The following CNTNAP5 variants were observed in gnomAD, a reference collection of about 807,000 sequenced individuals.
The protein encoded by CNTNAP5 is contactin-associated protein-like 5.
In CNTNAP5, 72 loss-of-function variants were observed where a neutral mutation model predicts 150.2. The ratio of observed to expected loss-of-function variants is 0.48; its 90% CI spans 0.40 to 0.58. The LOEUF is 0.58. CNTNAP5 is among the 20% of genes least tolerant of loss of function. CNTNAP5 has a pLI of 0.00. For missense variants in CNTNAP5, 1,636 were observed against 1,626.2 expected (o/e 1.01, Z -0.10); for synonymous variants, 672 against 619.8 (o/e 1.08, Z -1.25).
chr2:124,297,715 A>G (rs944558036), intron 3 of CNTNAP5, among the ~76,000 whole-genome samples: 8 of 151,964 alleles, frequency 5.3e-5, no homozygotes, highest in South Asian at 2.1e-4. Flanking sequence ...AGGTTTCACC[A>G]TCACCAGACG....
chr2:124,799,503 G>C (rs1681920592), intron 19 of CNTNAP5, among the ~76,000 whole-genome samples: 1 of 152,210 alleles, frequency 6.6e-6, no homozygotes, highest in Admixed American at 6.5e-5. Flanking sequence ...GGTATCATAA[G>C]ATGGGGCTGG....
intron 2 of CNTNAP5, among the ~76,000 whole-genome samples, chr2:124,224,493 AATAT>A (rs1018241806): frequency 1.3e-5 from 2 of 151,886 alleles, no homozygotes; most frequent in African/African-American, 2.4e-5. Flanking sequence ...ATGTGTATAT[AATAT>A]ATAGAGTAAA....
rs532549609 is a variant in CNTNAP5, at chr2:124,388,245, G to A, written c.382-29198G>A. Among the ~76,000 whole-genome samples the A allele has an allele frequency of 2.6e-4, 40 of 152,312 alleles. No individual in the cohort carries two copies. The South Asian group carries it at 7.2e-3, about 28-fold the overall frequency. On this transcript the variant is annotated intron_variant, in intron 3 of 23. Transcript: ENST00000682447. The stretch of plus-strand genomic sequence containing the variant: ...AGGCTTAGGCATGAGCCAAGGTGCT[G>A]TCAGATGGTGGCTAGGCCAGCTGAA...
chr2:124,391,160 T>C (rs1024007374), intron 3 of CNTNAP5, among the ~76,000 whole-genome samples: 2 of 152,206 alleles, frequency 1.3e-5, no homozygotes, highest in Non-Finnish European at 2.9e-5. Context: ...ACAGAGACTG[T>C]CTAGGAAATT....
At chr2:124,504,683 T>C (rs1164164907) in intron 8 of CNTNAP5, 127 bp downstream of exon 8, 9 of 671,170 alleles carry the variant, frequency 1.3e-5, no homozygotes, top group Admixed American at 3.2e-5. Flanking sequence ...ACAAATGTAC[T>C]CCAAGTCTGA....
chr2:124,827,616 G>A (rs1682623813), intron 19 of CNTNAP5, among the ~76,000 whole-genome samples: 1 of 152,150 alleles, frequency 6.6e-6, no homozygotes, highest in African/African-American at 2.4e-5. Context: ...GGAAGGAAGT[G>A]AAGACGAACA....
At chr2:124,559,859 T>C (rs1339151021) in intron 10 of CNTNAP5, among the ~76,000 whole-genome samples, 1 of 152,198 alleles carries the variant, frequency 6.6e-6, no homozygotes, top group Non-Finnish European at 1.5e-5. Context: ...AATCACAGTG[T>C]GCATTGAACC....
chr2:124,285,029 C>T (rs541145273), intron 3 of CNTNAP5, among the ~76,000 whole-genome samples: 4 of 152,136 alleles, frequency 2.6e-5, no homozygotes, highest in Non-Finnish European at 4.4e-5. Flanking sequence ...GCAGTCCTCC[C>T]ACCTCAGCCT....
chr2:124,666,605 C>G (rs1678706876), intron 13 of CNTNAP5, among the ~76,000 whole-genome samples: 1 of 152,196 alleles, frequency 6.6e-6, no homozygotes, highest in South Asian at 2.1e-4. Context: ...GTCCCCTTGG[C>G]CAAGGGGCGA....
intron 21 of CNTNAP5, among the ~76,000 whole-genome samples, chr2:124,883,005 T>C (rs1200759341): frequency 6.6e-6 from 1 of 151,718 alleles, no homozygotes; most frequent in African/African-American, 2.4e-5. Context: ...TTATGGGAAC[T>C]ACAGTTTAAG....
chr2:124,847,659 G>T (rs779002208), intron 19 of CNTNAP5, among the ~76,000 whole-genome samples: 5 of 152,160 alleles, frequency 3.3e-5, no homozygotes, highest in Non-Finnish European at 7.3e-5. Context: ...GTACGTTCCT[G>T]TGGTAGTTCT....
intron 19 of CNTNAP5, among the ~76,000 whole-genome samples, chr2:124,848,801 T>C (rs1281920850): frequency 2.0e-5 from 3 of 152,198 alleles, no homozygotes; most frequent in African/African-American, 2.4e-5. Flanking sequence ...ATGTTTTCTT[T>C]GGAAAATATC....
chr2:124,216,889 C>G (rs1284561491), intron 1 of CNTNAP5, among the ~76,000 whole-genome samples: 1 of 152,068 alleles, frequency 6.6e-6, no homozygotes, highest in African/African-American at 2.4e-5. Context: ...ATTTATAATC[C>G]TTTGGGTATA....
chr2:124,746,474 C>T lies in CNTNAP5; in HGVS notation c.2078-755C>T, dbSNP rs373269760. Among the ~76,000 whole-genome samples the T allele has an allele frequency of 5.6e-4, 86 of 152,274 alleles. 3 individuals carry two copies. In the South Asian group the frequency reaches 0.017, roughly 31 times the overall value. ...TAACCTTCACAAGGGTTTGTTTGGT[C>T]CACATATTATCAGCTTTAACAGTGC... is the stretch of plus-strand genomic sequence containing the variant. On this transcript the variant is annotated intron_variant, in intron 13 of 23. Transcript: ENST00000682447.
At chr2:124,202,169 A>G (rs980103258) in intron 1 of CNTNAP5, among the ~76,000 whole-genome samples, 3 of 152,176 alleles carry the variant, frequency 2.0e-5, no homozygotes, top group South Asian at 2.1e-4. Flanking sequence ...ATTTTAAACT[A>G]TGTCTAAAAT....
At chr2:124,628,323 A>G (rs756333049) in intron 12 of CNTNAP5, among the ~76,000 whole-genome samples, 3 of 152,176 alleles carry the variant, frequency 2.0e-5, no homozygotes, top group Non-Finnish European at 4.4e-5. Context: ...GAGAAAGGCC[A>G]AATCACATAC....
At chr2:124,497,666 T>A (rs150567547) in intron 7 of CNTNAP5, among the ~76,000 whole-genome samples, 36 of 152,354 alleles carry the variant, frequency 2.4e-4, no homozygotes, top group Non-Finnish European at 1.6e-4. Flanking sequence ...TAGTAAATTA[T>A]GGTTTCTATG....
intron 1 of CNTNAP5, among the ~76,000 whole-genome samples, chr2:124,113,921 C>G (rs1318600819): frequency 6.6e-6 from 1 of 151,718 alleles, no homozygotes; most frequent in Non-Finnish European, 1.5e-5. Context: ...AAGTGTCTCT[C>G]TCTCTATATA....
intron 2 of CNTNAP5, among the ~76,000 whole-genome samples, chr2:124,241,821 CAG>C (rs141935149): frequency 7.9e-4 from 117 of 147,740 alleles, no homozygotes; most frequent in Admixed American, 9.5e-4. Flanking sequence ...ATATATTAGT[CAG>C]AGAGAGAGAG....
Sources: gnomAD v4.1 joint callset for allele counts (sites outside exome capture counted in the v4.1 genomes callset) on GRCh38, gnomAD v4.1.1 for gene constraint, MANE v1.5 for transcripts, NCBI Gene and HGNC (gene_info 2026-07-23, HGNC 2026-07-21) for gene names.